The following GEN1 variants were observed in gnomAD, a reference collection of about 807,000 sequenced individuals.
GEN1 encodes flap endonuclease GEN homolog 1.
Under a neutral mutation model 67.6 loss-of-function variants are expected in GEN1, and 64 were observed. That is an observed-to-expected ratio of 0.95 (90% confidence interval 0.77 to 1.17). GEN1 has a LOEUF of 1.17. Among genes scored for constraint, GEN1 ranks in the 50% most tolerant of loss-of-function variants. The probability of loss-of-function intolerance (pLI) is 0.00; values close to 1 mark genes in which losing one functional copy is unlikely to be tolerated. For synonymous variants in GEN1, 371 were observed against 359.4 expected (o/e 1.03, Z -0.37); for missense variants, 1,058 against 1,048.3 (o/e 1.01, Z -0.13).
chr2:17,783,977 AAG>A lies in GEN1; in HGVS notation c.*2042_*2043del, dbSNP rs1189027882. 6 of 152,252 alleles carry A rather than the reference AAG, an allele frequency of 3.9e-5. No homozygotes were observed. Among genetic ancestry groups the A allele is most frequent in the South Asian group, 2.1e-4 (1 of 4,834 alleles). The allele number at this position is 152,252 out of a possible 1,614,324, so 9.4% of individuals were successfully genotyped here. ...AATATACCCAAAGCATAGGCAACAA[AAG>A]AGAATACACAAACTGGACTTCATCA... On this transcript the variant is annotated 3_prime_UTR_variant, in exon 14 of 14. Coordinates refer to ENST00000381254, the MANE Select transcript of GEN1 (RefSeq NM_001130009.3).
At chr2:17,770,949 C>T (rs901941258) in intron 6 of GEN1, 12 of 432,716 alleles carry the variant, frequency 2.8e-5, no homozygotes, top group Middle Eastern at 3.6e-4. Flanking sequence ...ATAGAGATAC[C>T]GATATATAGA....
chr2:17,756,217 A>G (rs1671426456), intron 1 of GEN1, among the ~76,000 whole-genome samples: 1 of 152,202 alleles, frequency 6.6e-6, no homozygotes, highest in Non-Finnish European at 1.5e-5. Context: ...TAGGCTTCCT[A>G]TCTGAAGTCC....
intron 1 of GEN1, among the ~76,000 whole-genome samples, chr2:17,758,831 G>C (rs13017989): frequency 0.22 from 33,855 of 150,890 alleles, 4,978 homozygotes; most frequent in Middle Eastern, 0.43. Flanking sequence ...TCCAGCCAGC[G>C]TGACAGAGCG....
At chr2:17,775,057 A>G (rs1464127711) in intron 11 of GEN1, among the ~76,000 whole-genome samples, 1 of 152,178 alleles carries the variant, frequency 6.6e-6, no homozygotes, top group African/African-American at 2.4e-5. Context: ...AAAATCAACA[A>G]TTGCGTCATG....
In GEN1 at chr2:17,781,470, C is replaced by G. The variant is rs777649457; in HGVS notation, c.2258C>G (p.Ser753Cys). The change falls in exon 14 of 14, where the codon TCT (serine) becomes TGT (cysteine). Residue 753 changes from serine (S) to cysteine (C), a missense_variant. Physicochemically the swap from Ser to Cys is moderately radical, Grantham distance 112. Transcript: ENST00000381254. ...LLQEDYKVNTSVPYSVSNTVV... is the reference protein window; with the variant it reads ...LLQEDYKVNTCVPYSVSNTVV... ...CAAGAAGACTATAAAGTCAATACTT[C>G]TGTCCCTTATTCTGTCAGTAACACA... 12 of 1,613,406 alleles carry G rather than the reference C, an allele frequency of 7.4e-6. No individual in the cohort carries two copies. The highest frequency in any genetic ancestry group is 1.6e-4 in the Middle Eastern group (1 of 6,082).
intron 1 of GEN1, chr2:17,755,650 T>G (rs563470589): frequency 1.3e-5 from 2 of 152,348 alleles, no homozygotes; most frequent in South Asian, 2.1e-4. Flanking sequence ...AAATGGAAAT[T>G]GGGAAATTTA....
chr2:17,766,208 C>T (rs1041249098), intron 4 of GEN1, among the ~76,000 whole-genome samples: 1 of 152,154 alleles, frequency 6.6e-6, no homozygotes, highest in African/African-American at 2.4e-5. Flanking sequence ...CACTGTGTCA[C>T]CCAATCTGAA....
intron 13 of GEN1, 124 bp from the exon 14 acceptor site, chr2:17,780,497 G>A (rs1672770780): frequency 1.6e-6 from 1 of 634,246 alleles, no homozygotes; most frequent in South Asian, 2.4e-5. Flanking sequence ...GCAATGCACT[G>A]AGATCAAAAA....
chr2:17,761,555 A>T lies in GEN1; in HGVS notation c.321A>T (p.Arg107Ser). The change falls in exon 3 of 14, where the codon AGA (arginine) becomes AGT (serine). Residue 107 changes from arginine (R) to serine (S), a missense_variant. Coordinates refer to ENST00000381254, the MANE Select transcript of GEN1 (RefSeq NM_001130009.3). ...AATCGTGGTCTCAGAAAACAGGGAG[A>T]TCACATTTTAAATCAGTCTTAAGAG... ...SGKSWSQKTG[R>S]SHFKSVLREC... 6.2e-7 allele frequency: 1 copy of T among 1,610,428 alleles called. No individual in the cohort carries two copies.
rs770751289 is a variant in GEN1, at chr2:17,768,768, T to C, written c.667T>C (p.Leu223=). The C allele has an allele frequency of 3.1e-6, 5 of 1,611,790 alleles. No individual in the cohort carries two copies. In the Admixed American group the frequency reaches 8.4e-5, roughly 27 times the overall value. The change falls in exon 6 of 14, where the codon TTA becomes CTA. Residue 223 remains leucine, a synonymous_variant. Coordinates refer to ENST00000381254, the MANE Select transcript of GEN1 (RefSeq NM_001130009.3). ...GVPGVGKEQA[L]KLIQILKGQS... is the part of the protein sequence containing the mutation. ...CCCTGGAGTTGGAAAAGAGCAAGCA[T>C]TAAAACTTATACAGATTTTGAAAGG...
Position 17,778,398 on chromosome 2 carries a change from GTA to G in GEN1, c.1264+340_1264+341del, listed in dbSNP as rs368871666. 2.9e-3 allele frequency among the ~76,000 whole-genome samples: 67 copies of G among 23,284 alleles called. 10 individuals carry two copies. The highest frequency in any genetic ancestry group is 6.1e-3 in the African/African-American group (61 of 10,006). The allele number at this position is 23,284 out of a possible 152,430, so 15.3% of individuals were successfully genotyped here. A position where few individuals can be genotyped will look rare whatever the true frequency, so the allele number is the denominator to read the frequency against. On this transcript the variant is annotated intron_variant, in intron 12 of 13. Coordinates refer to ENST00000381254, the MANE Select transcript of GEN1 (RefSeq NM_001130009.3). Reference sequence around the variant, plus strand: ...CACACATATATGTGTGTACATATATGTATATACACACATATATGTGTGTACAT... The same window carrying G: ...CACACATATATGTGTGTACATATATGTATACACACATATATGTGTGTACAT...
intron 1 of GEN1, among the ~76,000 whole-genome samples, chr2:17,757,265 G>A (rs2125115433): frequency 6.9e-6 from 1 of 145,664 alleles, no homozygotes; most frequent in South Asian, 2.2e-4. Context: ...TTTTTTTTTA[G>A]GCATGGCTGC....
chr2:17,778,165 TAG>T (rs546818262), intron 12 of GEN1, 102 bp downstream of exon 12: 5 of 448,720 alleles, frequency 1.1e-5, no homozygotes, highest in Middle Eastern at 5.0e-4. Flanking sequence ...CACACACACA[TAG>T]ATATGTGTAT....
intron 5 of GEN1, among the ~76,000 whole-genome samples, chr2:17,767,134 A>AT (rs1031749981): frequency 1.3e-5 from 2 of 152,162 alleles, no homozygotes; most frequent in Non-Finnish European, 2.9e-5. Context: ...AGCCATTCAT[A>AT]TTTCCATGCC....
chr2:17,777,570 G>A (rs1002514234), intron 11 of GEN1, among the ~76,000 whole-genome samples: 2 of 152,104 alleles, frequency 1.3e-5, no homozygotes, highest in African/African-American at 2.4e-5. Context: ...AATGTAAGCA[G>A]ATTAAACTCA....
At chr2:17,774,438 TA>T (rs1163739443) in intron 11 of GEN1, 37 bp downstream of exon 11, 1 of 1,513,268 alleles carries the variant, frequency 6.6e-7, no homozygotes, top group African/African-American at 1.4e-5. Context: ...GTGGTGTTTT[TA>T]CTTGAGTATT....
chr2:17,772,381 A>T lies in GEN1; in HGVS notation c.803-253A>T, dbSNP rs2052745. ...ATGTATAATTTCAAGTGTCTAATTA[A>T]CACTTTCAGATAGAAGAATAATTTT... On this transcript the variant is annotated intron_variant, in intron 7 of 13. Transcript: ENST00000381254. Among the ~76,000 whole-genome samples the T allele has an allele frequency of 0.22, 34,063 of 151,936 alleles. 5,013 individuals are homozygous for T. The highest frequency in any genetic ancestry group is 0.43 in the Middle Eastern group (126 of 292).
chr2:17,755,878 T>C (rs963256806), intron 1 of GEN1: 2 of 152,222 alleles, frequency 1.3e-5, no homozygotes, highest in African/African-American at 2.4e-5. Flanking sequence ...TATTAGCTTT[T>C]AAGGAAGTTT....
rs142978921 is a variant in GEN1, at chr2:17,768,450, C to G, written c.637-288C>G. On this transcript the variant is annotated intron_variant, in intron 5 of 13. Coordinates refer to ENST00000381254, the MANE Select transcript of GEN1 (RefSeq NM_001130009.3). ...AAATGAAAGCCCTCTAAAATTATGA[C>G]CCTCCCTTCCCTAAAATAAACACCA... 2.1e-3 allele frequency among the ~76,000 whole-genome samples: 326 copies of G among 152,222 alleles called. 1 individual carries two copies. Among genetic ancestry groups the G allele is most frequent in the African/African-American group, 7.6e-3 (314 of 41,540 alleles).
Sources: allele counts gnomAD v4.1 joint callset (sites outside exome capture counted in the v4.1 genomes callset), GRCh38; gene constraint gnomAD v4.1.1; transcripts MANE v1.5; gene names NCBI Gene and HGNC (gene_info 2026-07-23, HGNC 2026-07-21).